VGLL3: variants seen among roughly 807,000 people sequenced by gnomAD.
The protein encoded by VGLL3 is transcription cofactor vestigial-like protein 3.
In VGLL3, 18 loss-of-function variants were observed where a neutral mutation model predicts 29.2. That is an observed-to-expected ratio of 0.62 (90% CI 0.43 to 0.91). VGLL3 has a LOEUF of 0.91. Ranked by LOEUF, VGLL3 falls within the 40% of genes least tolerant of loss-of-function variation. The probability of loss-of-function intolerance (pLI) is 0.00; values close to 1 mark genes in which losing one functional copy is unlikely to be tolerated. For synonymous variants in VGLL3, 180 were observed against 151.8 expected, an observed-to-expected ratio of 1.19 and a Z score of -1.36; for missense variants, 440 against 413.2, an observed-to-expected ratio of 1.06 and a Z score of -0.56.
Position 86,943,190 on chromosome 3 carries a change from T to G in VGLL3, c.*3834A>C, listed in dbSNP as rs1329148061. On this transcript the variant is annotated 3_prime_UTR_variant, in exon 4 of 4. Transcript: ENST00000398399. ...TCTTTTCCATTAATTCATTCTGCTT[T>G]CTATTTATCCCTCATTCAAAACTCT... is the stretch of plus-strand genomic sequence containing the variant. 6.6e-6 allele frequency: 1 copy of G among 152,214 alleles called. No homozygotes were observed. Among genetic ancestry groups the G allele is most frequent in the Admixed American group, 6.5e-5 (1 of 15,282 alleles). 9.4% of individuals were successfully genotyped at this position (152,214 alleles called of 1,614,324 possible).
rs1226096415 is a variant in VGLL3, at chr3:86,943,148, T to TTCTTTTCCATTAATTCATTC, written c.*3875_*3876insGAATGAATTAATGGAAAAGA. 2.6e-5 allele frequency: 4 copies of TTCTTTTCCATTAATTCATTC among 152,214 alleles called. No individual in the cohort carries two copies. The highest frequency in any genetic ancestry group is 5.9e-5 in the Non-Finnish European group (4 of 68,032). 9.4% of individuals were successfully genotyped at this position (152,214 alleles called of 1,614,324 possible). A position where few individuals can be genotyped will look rare whatever the true frequency, so the allele number is the denominator to read the frequency against. ...TTTGGCTAAACTAGAATTTAGAGAA[T>TTCTTTTCCATTAATTCATTC]GGCCTAACAGCCGAGTTCTTTTCCA... On this transcript the variant is annotated 3_prime_UTR_variant, in exon 4 of 4. Coordinates refer to ENST00000398399, the MANE Select transcript of VGLL3 (RefSeq NM_016206.4).
chr3:86,950,978 C>CTTAGACCCA (rs2106965280), intron 3 of VGLL3, among the ~76,000 whole-genome samples: 1 of 152,136 alleles, frequency 6.6e-6, no homozygotes, highest in Non-Finnish European at 1.5e-5. Context: ...ACTGAGAGTC[C>CTTAGACCCA]TTAGACCCAT....
intron 1 of VGLL3, among the ~76,000 whole-genome samples, chr3:86,979,341 T>A (rs1705276310): frequency 1.3e-5 from 2 of 152,192 alleles, no homozygotes; most frequent in Non-Finnish European, 2.9e-5. Flanking sequence ...TGAACTCATG[T>A]CTTCAAAAAT....
At chr3:86,976,915 C>A in intron 2 of VGLL3, among the ~76,000 whole-genome samples, 1 of 152,234 alleles carries the variant, frequency 6.6e-6, no homozygotes, top group Middle Eastern at 3.4e-3. Context: ...TTATTAAAGC[C>A]ATCTAACTCA....
intron 3 of VGLL3, among the ~76,000 whole-genome samples, chr3:86,966,820 T>C (rs1282208854): frequency 2.0e-5 from 2 of 101,620 alleles, no homozygotes; most frequent in African/African-American, 3.7e-5. Context: ...TATATATATA[T>C]ATATAGTACC....
At chr3:86,964,395 T>C (rs1279553341) in intron 3 of VGLL3, among the ~76,000 whole-genome samples, 1 of 152,234 alleles carries the variant, frequency 6.6e-6, no homozygotes, top group East Asian at 1.9e-4. Flanking sequence ...ACACATTATA[T>C]GACGTTCAAC....
intron 2 of VGLL3, among the ~76,000 whole-genome samples, chr3:86,977,597 C>T (rs1214258886): frequency 6.6e-6 from 1 of 152,226 alleles, no homozygotes; most frequent in Non-Finnish European, 1.5e-5. Context: ...ACTGGAGTCA[C>T]TGGGAGGGCT....
chr3:86,956,600 C>G (rs180755016), intron 3 of VGLL3, among the ~76,000 whole-genome samples: 2 of 152,020 alleles, frequency 1.3e-5, no homozygotes, highest in African/African-American at 4.8e-5. Flanking sequence ...TCCTGGCTAG[C>G]ACGGTGAAAC....
At chr3:86,965,953 C>T (rs1490168982) in intron 3 of VGLL3, among the ~76,000 whole-genome samples, 1 of 152,084 alleles carries the variant, frequency 6.6e-6, no homozygotes, top group East Asian at 1.9e-4. Flanking sequence ...GAGTCTGTTT[C>T]CTAGAAAAAT....
intron 2 of VGLL3, 68 bp from the exon 3 acceptor site, chr3:86,969,191 T>C: frequency 1.4e-6 from 2 of 1,478,608 alleles, no homozygotes; most frequent in East Asian, 2.3e-5. Context: ...TTGCCTCTAA[T>C]TGTCCACTCT....
intron 3 of VGLL3, among the ~76,000 whole-genome samples, chr3:86,963,251 T>C (rs1021023457): frequency 6.6e-6 from 1 of 152,290 alleles, no homozygotes; most frequent in Admixed American, 6.5e-5. Context: ...AAATCGTACC[T>C]AGCCCCAAAA....
intron 2 of VGLL3, among the ~76,000 whole-genome samples, chr3:86,970,183 C>A (rs1705064648): frequency 6.6e-6 from 1 of 152,080 alleles, no homozygotes; most frequent in African/African-American, 2.4e-5. Context: ...TTCATCAGTT[C>A]AATTTCCTAC....
At chr3:86,978,826 A>G (rs746617120) in intron 1 of VGLL3, 24 bp from the exon 2 acceptor site, 1 of 1,563,692 alleles carries the variant, frequency 6.4e-7, no homozygotes, top group East Asian at 2.3e-5. Flanking sequence ...AACAAAACAC[A>G]GTATCAAAGA....
At chr3:86,966,002 G>T (rs1305309261) in intron 3 of VGLL3, among the ~76,000 whole-genome samples, 1 of 152,118 alleles carries the variant, frequency 6.6e-6, no homozygotes, top group East Asian at 1.9e-4. Context: ...CCCAAAGATA[G>T]AGAGATGTAA....
At position 86,968,716 on chromosome 3, in the gene VGLL3, T is replaced by C. The variant is rs539363698; in HGVS notation, c.811A>G (p.Arg271Gly). 1 of 1,614,186 alleles carries C rather than the reference T, an allele frequency of 6.2e-7. No homozygotes were observed. Among genetic ancestry groups the C allele is most frequent in the South Asian group, 1.1e-5 (1 of 91,084 alleles). ...ATGTCACACTGGGGAGCAGGAATCC[T>C]GGCCGCATGCACTGAAGGCATCAGC... ...PLLMPSVHAARIPAPQCDITK... is the reference protein window; with the variant it reads ...PLLMPSVHAAGIPAPQCDITK... Residue 271 changes from arginine to glycine, a missense_variant, in exon 3 of 4, where the codon AGG (arginine) becomes GGG (glycine). By Grantham distance (125) the Arg-to-Gly change is moderately radical (BLOSUM62 -2). Coordinates refer to ENST00000398399, the MANE Select transcript of VGLL3 (RefSeq NM_016206.4).
intron 2 of VGLL3, among the ~76,000 whole-genome samples, chr3:86,975,303 T>C (rs1705184919): frequency 6.6e-6 from 1 of 152,192 alleles, no homozygotes; most frequent in Admixed American, 6.5e-5. Context: ...ACCTCTTCTT[T>C]AAGACATTTT....
chr3:86,940,853 T>C lies in VGLL3; in HGVS notation c.*6171A>G, dbSNP rs1226454522. The C allele has an allele frequency of 6.6e-6, 1 of 152,350 alleles. No individual in the cohort carries two copies. The highest frequency in any genetic ancestry group is 1.5e-5 in the Non-Finnish European group (1 of 67,906). 9.4% of individuals were successfully genotyped at this position (152,350 alleles called of 1,614,324 possible). On this transcript the variant is annotated 3_prime_UTR_variant, in exon 4 of 4. Coordinates refer to ENST00000398399, the MANE Select transcript of VGLL3 (RefSeq NM_016206.4). ...CCAAAAGTTTTATGAATTATACTTT[T>C]TTTATTAGTTAAAAATGACAGCATA...
chr3:86,952,001 A>T (rs1704627915), intron 3 of VGLL3, among the ~76,000 whole-genome samples: 1 of 152,170 alleles, frequency 6.6e-6, no homozygotes, highest in South Asian at 2.1e-4. Context: ...TTAGAGGAGG[A>T]GGGTATATTG....
intron 3 of VGLL3, among the ~76,000 whole-genome samples, chr3:86,958,417 C>A (rs1704769917): frequency 6.6e-6 from 1 of 152,126 alleles, no homozygotes; most frequent in Non-Finnish European, 1.5e-5. Flanking sequence ...AAATTTACAC[C>A]ACGTAACTAT....
Sources: allele counts gnomAD v4.1 joint callset (sites outside exome capture counted in the v4.1 genomes callset), GRCh38; gene constraint gnomAD v4.1.1; transcripts MANE v1.5; gene names NCBI Gene and HGNC (gene_info 2026-07-23, HGNC 2026-07-21).